LARP6: variants seen among roughly 807,000 people sequenced by gnomAD.
The protein encoded by LARP6 is La ribonucleoprotein 6, translational regulator.
Under a neutral mutation model 32.8 loss-of-function variants are expected in LARP6, and 18 were observed. The ratio of observed to expected loss-of-function variants is 0.55; its 90% CI spans 0.38 to 0.81. The LOEUF is 0.81. Ranked by LOEUF, LARP6 falls within the 40% of genes least tolerant of loss-of-function variation. LARP6 has a pLI of 0.00. For synonymous variants in LARP6, 289 were observed against 267.2 expected, an observed-to-expected ratio of 1.08 and a Z score of -0.80; for missense variants, 598 against 663.1, an observed-to-expected ratio of 0.90 and a Z score of 1.08.
intron 1 of LARP6, among the ~76,000 whole-genome samples, chr15:70,846,107 T>C (rs1488504184): frequency 2.6e-5 from 4 of 152,214 alleles, no homozygotes; most frequent in Non-Finnish European, 5.9e-5. Flanking sequence ...CTTTGGTATA[T>C]TTCCCAACCA....
chr15:70,838,803 A>C (rs1032827402), intron 1 of LARP6, among the ~76,000 whole-genome samples: 1 of 152,120 alleles, frequency 6.6e-6, no homozygotes, highest in African/African-American at 2.4e-5. Context: ...TAGCAACTCA[A>C]TGTCAGGACC....
At chr15:70,851,443 GA>G in intron 1 of LARP6, 1 of 1,273,254 alleles carries the variant, frequency 7.9e-7, no homozygotes, top group South Asian at 2.6e-5. Context: ...AGGCTGTAAA[GA>G]CTTTTCTTTA....
In LARP6 at chr15:70,831,919, T is replaced by C. The variant is rs2032047046; in HGVS notation, c.*133A>G. The C allele has an allele frequency of 1.6e-6, 1 of 610,514 alleles. No homozygotes were observed. Among genetic ancestry groups the C allele is most frequent in the East Asian group, 2.9e-5 (1 of 34,726 alleles). 37.8% of individuals were successfully genotyped at this position (610,514 alleles called of 1,614,324 possible). A position where few individuals can be genotyped will look rare whatever the true frequency, so the allele number is the denominator to read the frequency against. ...CCGATTTATGTATATTACAGATAGA[T>C]AAATTAAGAGGTCTACATGAATAAA... On this transcript the variant is annotated 3_prime_UTR_variant, in exon 3 of 3. Coordinates refer to ENST00000299213, the MANE Select transcript of LARP6 (RefSeq NM_018357.4).
At chr15:70,851,558 T>A in intron 1 of LARP6, 1 of 1,555,704 alleles carries the variant, frequency 6.4e-7, no homozygotes, top group East Asian at 2.4e-5. Flanking sequence ...TCTCACTGTC[T>A]AGGGAAGGGG....
At chr15:70,835,269 A>G (rs898654539) in intron 2 of LARP6, among the ~76,000 whole-genome samples, 1 of 152,202 alleles carries the variant, frequency 6.6e-6, no homozygotes, top group African/African-American at 2.4e-5. Flanking sequence ...GCTCTGATCA[A>G]CTAGTTCCCA....
chr15:70,834,853 T>C (rs535541966), intron 2 of LARP6, among the ~76,000 whole-genome samples: 1 of 152,368 alleles, frequency 6.6e-6, no homozygotes, highest in East Asian at 1.9e-4. Context: ...CTTTGTCATG[T>C]ATGTTCCCCT....
At chr15:70,834,612 T>G (rs1412548436) in intron 2 of LARP6, among the ~76,000 whole-genome samples, 2 of 152,198 alleles carry the variant, frequency 1.3e-5, no homozygotes, top group Non-Finnish European at 2.9e-5. Flanking sequence ...CAGAAGTCTG[T>G]GGGGGACCAC....
At chr15:70,844,188 C>T (rs1225941231) in intron 1 of LARP6, among the ~76,000 whole-genome samples, 1 of 152,086 alleles carries the variant, frequency 6.6e-6, no homozygotes, top group Non-Finnish European at 1.5e-5. Context: ...AACTCCTGAC[C>T]TCATGTGATC....
chr15:70,836,600 A>G, intron 1 of LARP6, 95 bp from the exon 2 acceptor site: 1 of 953,286 alleles, frequency 1.0e-6, no homozygotes, highest in East Asian at 2.4e-5. Context: ...AATACCTTGG[A>G]GTATGATGTT....
intron 1 of LARP6, among the ~76,000 whole-genome samples, chr15:70,839,204 T>C (rs924368433): frequency 1.2e-4 from 18 of 152,058 alleles, no homozygotes; most frequent in Admixed American, 7.9e-4. Context: ...TTTGGGAGGC[T>C]GAGGTGGGCG....
At chr15:70,833,197 T>C (rs774925482) in intron 2 of LARP6, 81 bp from the exon 3 acceptor site, 1 of 1,114,094 alleles carries the variant, frequency 9.0e-7, no homozygotes, top group African/African-American at 1.5e-5. Flanking sequence ...CCTCCCTCAC[T>C]TCCTTATCCC....
chr15:70,851,788 T>C, intron 1 of LARP6: 1 of 1,603,550 alleles, frequency 6.2e-7, no homozygotes, highest in East Asian at 2.2e-5. Context: ...TACAGAGTAC[T>C]ACAGCAACAG....
intron 1 of LARP6, among the ~76,000 whole-genome samples, chr15:70,838,530 T>A (rs2032189827): frequency 6.6e-6 from 1 of 151,978 alleles, no homozygotes. Context: ...CATCACGGGG[T>A]CTCTTCTTAA....
chr15:70,845,091 G>T (rs1431822922), intron 1 of LARP6, among the ~76,000 whole-genome samples: 1 of 152,086 alleles, frequency 6.6e-6, no homozygotes, highest in East Asian at 1.9e-4. Flanking sequence ...ACCCAGGCTT[G>T]CTCTGTTATA....
intron 1 of LARP6, among the ~76,000 whole-genome samples, chr15:70,842,182 G>T (rs1260310740): frequency 6.6e-6 from 1 of 151,912 alleles, no homozygotes; most frequent in Admixed American, 6.6e-5. Context: ...AGTAGCTGGG[G>T]CTATAGGAAT....
intron 1 of LARP6, among the ~76,000 whole-genome samples, chr15:70,840,965 C>T (rs560532415): frequency 6.8e-6 from 1 of 147,858 alleles, no homozygotes; most frequent in Admixed American, 6.8e-5. Flanking sequence ...CCAGGCTGGT[C>T]TGCAGTGGCA....
In LARP6 at chr15:70,840,181, T is replaced by C. The variant is rs146065491; in HGVS notation, c.201-3676A>G. On this transcript the variant is annotated intron_variant, in intron 1 of 2. Coordinates refer to ENST00000299213, the MANE Select transcript of LARP6 (RefSeq NM_018357.4). ...ACAACCAATAGGATGAAAAAGGAGA[T>C]GCAAGATGGACAGAACAAATTTCAC... Among the ~76,000 whole-genome samples, 446 of 152,292 alleles carry C rather than the reference T, an allele frequency of 2.9e-3. 4 individuals carry two copies. The highest frequency in any genetic ancestry group is 0.01 in the African/African-American group (434 of 41,554).
At chr15:70,837,990 TAC>T (rs1257998327) in intron 1 of LARP6, among the ~76,000 whole-genome samples, 1 of 152,246 alleles carries the variant, frequency 6.6e-6, no homozygotes, top group African/African-American at 2.4e-5. Context: ...ATGTTTCATA[TAC>T]ACCTTATACA....
chr15:70,832,335 A>C lies in LARP6; in HGVS notation c.1193T>G (p.Leu398Arg). The change falls in exon 3 of 3, where the codon CTG becomes CGG. Residue 398 changes from leucine (L) to arginine (R), a missense_variant. Leu to Arg is a moderately radical substitution (Grantham distance 102). Transcript: ENST00000299213. ...QRKGVSRKSPLAEEGRLNCST... is the reference protein window; with the variant it reads ...QRKGVSRKSPRAEEGRLNCST... ...GCAGTTCAGTCTACCTTCCTCCGCC[A>C]GTGGGGACTTTCTGGAAACGCCTTT... 6.2e-7 allele frequency: 1 copy of C among 1,614,214 alleles called. No individual in the cohort carries two copies. The highest frequency in any genetic ancestry group is 8.5e-7 in the Non-Finnish European group (1 of 1,180,034).
Sources: allele counts gnomAD v4.1 joint callset (sites outside exome capture counted in the v4.1 genomes callset), GRCh38; gene constraint gnomAD v4.1.1; transcripts MANE v1.5; gene names NCBI Gene and HGNC (gene_info 2026-07-23, HGNC 2026-07-21).